KAZN: variants seen among roughly 807,000 people sequenced by gnomAD.
KAZN encodes kazrin, periplakin interacting protein.
KAZN carries 40 observed loss-of-function variants against 87.4 expected under a neutral mutation model. The ratio of observed to expected loss-of-function variants is 0.46; its 90% confidence interval spans 0.36 to 0.60. KAZN has a LOEUF of 0.60. Ranked by LOEUF, KAZN falls within the 20% of genes least tolerant of loss-of-function variation. The pLI is 0.00. For synonymous variants in KAZN, 466 were observed against 458.3 expected, an observed-to-expected ratio of 1.02 and a Z score of -0.22; for missense variants, 898 against 1,073.9, an observed-to-expected ratio of 0.84 and a Z score of 2.29.
chr1:14,157,454 G>C (rs905763350), intron 1 of KAZN, among the ~76,000 whole-genome samples: 9 of 152,138 alleles, frequency 5.9e-5, no homozygotes, highest in African/African-American at 2.2e-4. Flanking sequence ...GTCTGAGAAA[G>C]TCTTTATTTC....
intron 1 of KAZN, among the ~76,000 whole-genome samples, chr1:13,945,318 TACA>T (rs1641094909): frequency 6.6e-6 from 1 of 151,816 alleles, no homozygotes; most frequent in African/African-American, 2.4e-5. Context: ...CTACTAAAAA[TACA>T]ACATTAGCAG....
intron 2 of KAZN, among the ~76,000 whole-genome samples, chr1:14,343,091 A>G (rs1657859411): frequency 6.6e-6 from 1 of 152,164 alleles, no homozygotes; most frequent in Admixed American, 6.5e-5. Context: ...CAGTGCAGTG[A>G]GCCGAGATTG....
At chr1:13,945,679 TTGTGTG>T (rs60728794) in intron 1 of KAZN, among the ~76,000 whole-genome samples, 3 of 123,350 alleles carry the variant, frequency 2.4e-5, no homozygotes, top group African/African-American at 3.3e-5. Context: ...TGCTCTCAGT[TTGTGTG>T]TGTGTGTGTG....
intron 1 of KAZN, among the ~76,000 whole-genome samples, chr1:14,014,201 A>C (rs906594728): frequency 2.0e-5 from 3 of 152,052 alleles, no homozygotes; most frequent in African/African-American, 4.8e-5. Context: ...GCCATGTTGC[A>C]ACTGTGTCTG....
chr1:13,932,045 A>C (rs1158989214), intron 1 of KAZN, among the ~76,000 whole-genome samples: 1 of 136,746 alleles, frequency 7.3e-6, no homozygotes, highest in African/African-American at 2.8e-5. Flanking sequence ...TTTAGTAGAG[A>C]TGGGGTTTCA....
intron 2 of KAZN, among the ~76,000 whole-genome samples, chr1:14,312,356 G>A (rs966711614): frequency 2.6e-5 from 4 of 152,004 alleles, no homozygotes; most frequent in South Asian, 2.1e-4. Flanking sequence ...CCTTCTAGCC[G>A]GCCCTGCGTT....
chr1:14,641,520 GC>G (rs542434797), intron 1 of KAZN, among the ~76,000 whole-genome samples: 156 of 152,284 alleles, frequency 1.0e-3, no homozygotes, highest in Non-Finnish European at 1.8e-3. Flanking sequence ...ACCAGACCAT[GC>G]CTGCGGTGTG....
At chr1:14,280,181 T>C in intron 2 of KAZN, among the ~76,000 whole-genome samples, 1 of 151,836 alleles carries the variant, frequency 6.6e-6, no homozygotes, top group East Asian at 1.9e-4. Flanking sequence ...GCTAACACGG[T>C]GAAGCCCCAT....
intron 2 of KAZN, among the ~76,000 whole-genome samples, chr1:15,026,130 T>C (rs754749399): frequency 6.6e-6 from 1 of 152,146 alleles, no homozygotes; most frequent in Non-Finnish European, 1.5e-5. Context: ...CTGGGTCTCT[T>C]CCCCGGGGCT....
chr1:14,585,946 G>A (rs1261769640), intron 2 of KAZN, among the ~76,000 whole-genome samples: 1 of 152,184 alleles, frequency 6.6e-6, no homozygotes, highest in Non-Finnish European at 1.5e-5. Context: ...CCATCTCGAG[G>A]CAGCAGCTCC....
At chr1:14,938,162 C>T (rs951959898) in intron 1 of KAZN, among the ~76,000 whole-genome samples, 4 of 152,054 alleles carry the variant, frequency 2.6e-5, no homozygotes, top group African/African-American at 9.7e-5. Context: ...GTTCCTTAAC[C>T]CCTCTGAGCC....
chr1:14,507,970 A>T (rs1218515145), intron 2 of KAZN, among the ~76,000 whole-genome samples: 11 of 95,416 alleles, frequency 1.2e-4, no homozygotes, highest in Admixed American at 4.0e-4. Flanking sequence ...CGGTCTCCAA[A>T]AAATAAATAA....
chr1:14,180,155 G>C (rs72643192), intron 1 of KAZN, among the ~76,000 whole-genome samples: 28,649 of 151,710 alleles, frequency 0.19, 3,324 homozygotes, highest in South Asian at 0.34. Flanking sequence ...TTCTGCAACA[G>C]GACTAGATAC....
At chr1:14,310,697 C>T (rs1655224974) in intron 2 of KAZN, among the ~76,000 whole-genome samples, 2 of 152,208 alleles carry the variant, frequency 1.3e-5, no homozygotes, top group Non-Finnish European at 1.5e-5. Flanking sequence ...CAGAGCGTTT[C>T]GTCTGTGCTT....
At chr1:14,731,417 A>T (rs189154410) in intron 1 of KAZN, among the ~76,000 whole-genome samples, 206 of 152,230 alleles carry the variant, frequency 1.4e-3, no homozygotes, top group African/African-American at 4.6e-3. Flanking sequence ...AGGCCCTGTG[A>T]CTTATCCCCG....
At chr1:13,995,977 G>T (rs1335221086) in intron 1 of KAZN, among the ~76,000 whole-genome samples, 2 of 152,184 alleles carry the variant, frequency 1.3e-5, no homozygotes, top group African/African-American at 4.8e-5. Context: ...TAAGTGAAAA[G>T]AACCATAATA....
At chr1:14,419,945 A>G (rs977812430) in intron 2 of KAZN, among the ~76,000 whole-genome samples, 3 of 152,068 alleles carry the variant, frequency 2.0e-5, no homozygotes, top group Non-Finnish European at 4.4e-5. Flanking sequence ...AAACTTCCAC[A>G]AGGTGGAAGG....
At chr1:14,451,430 A>G (rs916833980) in intron 2 of KAZN, among the ~76,000 whole-genome samples, 2 of 152,242 alleles carry the variant, frequency 1.3e-5, no homozygotes, top group Admixed American at 1.3e-4. Flanking sequence ...ACATGGTTAC[A>G]GACAACAGAA....
At chr1:14,896,041 C>CTTTTTTTTTTTTTTTTTTTTTTTT (rs201188620) in intron 1 of KAZN, among the ~76,000 whole-genome samples, 1 of 140,718 alleles carries the variant, frequency 7.1e-6, no homozygotes, top group African/African-American at 2.8e-5. Context: ...AAAAAGACGC[C>CTTTTTTTTTTTTTTTTTTTTTTTT]TTTTTTTTTT....
Sources: allele counts gnomAD v4.1 joint callset (sites outside exome capture counted in the v4.1 genomes callset), GRCh38; gene constraint gnomAD v4.1.1; transcripts MANE v1.5; gene names NCBI Gene and HGNC (gene_info 2026-07-23, HGNC 2026-07-21).